LRFN5: variants seen among roughly 807,000 people sequenced by gnomAD.
The protein encoded by LRFN5 is leucine-rich repeat and fibronectin type-III domain-containing protein 5.
LRFN5 carries 24 observed loss-of-function variants against 45.6 expected under a neutral mutation model. The observed-to-expected ratio is 0.53, with a 90% CI of 0.38 to 0.74. The LOEUF (loss-of-function observed/expected upper bound fraction) is 0.74, where lower values mean the gene tolerates loss of function less well. LRFN5 is among the 30% of genes least tolerant of loss of function. The probability of loss-of-function intolerance (pLI) is 0.00; values close to 1 mark genes in which losing one functional copy is unlikely to be tolerated. For missense variants in LRFN5, 776 were observed against 861.5 expected (o/e 0.90, Z 1.24); for synonymous variants, 340 against 313.8 (o/e 1.08, Z -0.88).
At chr14:41,895,887 T>C (rs997391938) in intron 4 of LRFN5, among the ~76,000 whole-genome samples, 9 of 152,100 alleles carry the variant, frequency 5.9e-5, no homozygotes, top group Non-Finnish European at 1.0e-4. Flanking sequence ...GAAAGATGCA[T>C]ACTTTCTCCA....
At chr14:41,752,170 G>T (rs1192707496) in intron 1 of LRFN5, among the ~76,000 whole-genome samples, 3 of 152,128 alleles carry the variant, frequency 2.0e-5, no homozygotes, top group African/African-American at 7.2e-5. Flanking sequence ...ATCATTTATG[G>T]ACATTTGGGT....
At chr14:41,705,979 C>T (rs950409416) in intron 1 of LRFN5, among the ~76,000 whole-genome samples, 19 of 152,172 alleles carry the variant, frequency 1.2e-4, no homozygotes, top group African/African-American at 4.3e-4. Context: ...CAATTTCTTC[C>T]TTTTTATCCC....
chr14:41,841,535 C>T (rs1011050947), intron 2 of LRFN5, among the ~76,000 whole-genome samples: 12 of 152,006 alleles, frequency 7.9e-5, no homozygotes, highest in African/African-American at 2.9e-4. Context: ...ATGATTTGTA[C>T]ATGTCAGTAA....
At chr14:41,664,004 G>T (rs1411547738) in intron 1 of LRFN5, among the ~76,000 whole-genome samples, 1 of 151,720 alleles carries the variant, frequency 6.6e-6, no homozygotes, top group Admixed American at 6.6e-5. Flanking sequence ...TCTGTTTCTT[G>T]TCCTCATCCC....
intron 1 of LRFN5, among the ~76,000 whole-genome samples, chr14:41,644,019 AACT>A (rs763050619): frequency 3.9e-5 from 6 of 152,328 alleles, no homozygotes; most frequent in Middle Eastern, 6.8e-3. Flanking sequence ...TATAAAAATA[AACT>A]ACTGCTGTTG....
intron 1 of LRFN5, among the ~76,000 whole-genome samples, chr14:41,681,295 A>G (rs1367304830): frequency 6.6e-6 from 1 of 152,190 alleles, no homozygotes; most frequent in African/African-American, 2.4e-5. Context: ...ATTTAATTCA[A>G]ATAAAGCCAC....
chr14:41,796,986 A>C (rs1887155827), intron 2 of LRFN5, among the ~76,000 whole-genome samples: 1 of 151,874 alleles, frequency 6.6e-6, no homozygotes, highest in Non-Finnish European at 1.5e-5. Context: ...CTTGTCTTTA[A>C]ATTGATAAGT....
chr14:41,617,149 A>G (rs1384608125), intron 1 of LRFN5, among the ~76,000 whole-genome samples: 1 of 152,148 alleles, frequency 6.6e-6, no homozygotes, highest in Non-Finnish European at 1.5e-5. Flanking sequence ...GATAGCACTC[A>G]AAGATGCTAA....
At chr14:41,813,220 A>G (rs1456335294) in intron 2 of LRFN5, among the ~76,000 whole-genome samples, 1 of 152,098 alleles carries the variant, frequency 6.6e-6, no homozygotes, top group Non-Finnish European at 1.5e-5. Context: ...ATTACAGTTT[A>G]AGTTCTGGGA....
chr14:41,658,370 C>T (rs1880475634), intron 1 of LRFN5, among the ~76,000 whole-genome samples: 1 of 151,952 alleles, frequency 6.6e-6, no homozygotes, highest in Non-Finnish European at 1.5e-5. Flanking sequence ...ATACCATCTT[C>T]CTTTAATCAT....
chr14:41,897,440 T>C (rs1446902575), intron 4 of LRFN5, among the ~76,000 whole-genome samples: 1 of 151,966 alleles, frequency 6.6e-6, no homozygotes, highest in Non-Finnish European at 1.5e-5. Context: ...AATAAATATA[T>C]ACATCACATA....
chr14:41,791,359 G>T (rs1886913346), intron 2 of LRFN5, among the ~76,000 whole-genome samples: 1 of 151,932 alleles, frequency 6.6e-6, no homozygotes, highest in Non-Finnish European at 1.5e-5. Flanking sequence ...ATCAGTAGAA[G>T]ATTTCTGTTA....
At chr14:41,791,076 G>T (rs1886902178) in intron 2 of LRFN5, among the ~76,000 whole-genome samples, 1 of 151,632 alleles carries the variant, frequency 6.6e-6, no homozygotes, top group African/African-American at 2.4e-5. Flanking sequence ...ATGCTATTTG[G>T]TGATTAAAGA....
At chr14:41,616,478 G>A (rs1887929007) in intron 1 of LRFN5, among the ~76,000 whole-genome samples, 1 of 152,056 alleles carries the variant, frequency 6.6e-6, no homozygotes. Flanking sequence ...TTTTCCTCTA[G>A]ATGCCATTGA....
chr14:41,645,568 T>C (rs540364320), intron 1 of LRFN5, among the ~76,000 whole-genome samples: 1 of 152,330 alleles, frequency 6.6e-6, no homozygotes, highest in Non-Finnish European at 1.5e-5. Context: ...GTTAGAAGAG[T>C]TTATACCTTG....
At chr14:41,692,885 A>G (rs1175599876) in intron 1 of LRFN5, among the ~76,000 whole-genome samples, 1 of 151,988 alleles carries the variant, frequency 6.6e-6, no homozygotes, top group African/African-American at 2.4e-5. Flanking sequence ...GTTTAGTTCT[A>G]TGATATACAT....
intron 1 of LRFN5, among the ~76,000 whole-genome samples, chr14:41,628,823 C>T (rs1221919408): frequency 1.3e-5 from 2 of 151,898 alleles, no homozygotes; most frequent in Non-Finnish European, 2.9e-5. Context: ...CTTCGTGTGC[C>T]CTGGCAGTGT....
chr14:41,738,249 G>C (rs1205285843), intron 1 of LRFN5, among the ~76,000 whole-genome samples: 1 of 152,110 alleles, frequency 6.6e-6, no homozygotes, highest in Non-Finnish European at 1.5e-5. Context: ...ATGGAGAAAT[G>C]ATTCCCTATA....
chr14:41,886,869 C>T lies in LRFN5; in HGVS notation c.244C>T (p.Leu82=). The change falls in exon 3 of 6, where the codon CTA becomes TTA. Residue 82 remains leucine, a synonymous_variant. Coordinates refer to ENST00000298119, the MANE Select transcript of LRFN5 (RefSeq NM_152447.5). ...ANMTSLVDLT[L]SRNTISFITP... is the part of the protein sequence containing the mutation. Reference sequence around the variant, plus strand: ...TATGACCAGCTTGGTGGACCTGACTCTATCCAGGAATACAATAAGTTTTAT... The same window carrying T: ...TATGACCAGCTTGGTGGACCTGACTTTATCCAGGAATACAATAAGTTTTAT... The T allele has an allele frequency of 1.2e-6, 2 of 1,614,176 alleles. No individual in the cohort carries two copies. The highest frequency in any genetic ancestry group is 1.7e-6 in the Non-Finnish European group (2 of 1,180,016).
Sources: allele counts gnomAD v4.1 joint callset (sites outside exome capture counted in the v4.1 genomes callset), GRCh38; gene constraint gnomAD v4.1.1; transcripts MANE v1.5; gene names NCBI Gene and HGNC (gene_info 2026-07-23, HGNC 2026-07-21).